The following CSMD1 variants were observed in gnomAD, a reference collection of about 807,000 sequenced individuals.
CSMD1 encodes CUB and Sushi multiple domains 1, also known as CUB and sushi domain-containing protein 1.
A neutral mutation model predicts 417.5 loss-of-function variants in CSMD1; 213 were observed. That is an observed-to-expected ratio of 0.51 (90% CI 0.46 to 0.57). The LOEUF (loss-of-function observed/expected upper bound fraction) is 0.57, where lower values mean the gene tolerates loss of function less well. Ranked by LOEUF, CSMD1 falls within the 20% of genes least tolerant of loss-of-function variation. The probability of loss-of-function intolerance (pLI) is 0.00; values close to 1 mark genes in which losing one functional copy is unlikely to be tolerated. For missense variants in CSMD1, 6,923 were observed against 4,529.7 expected, an observed-to-expected ratio of 1.53 and a Z score of -15.17; for synonymous variants, 2,862 against 1,736.8, an observed-to-expected ratio of 1.65 and a Z score of -16.11.
chr8:4,443,412 C>T (rs974397591), intron 2 of CSMD1, among the ~76,000 whole-genome samples: 1 of 152,146 alleles, frequency 6.6e-6, no homozygotes, highest in African/African-American at 2.4e-5. Context: ...AAGAAAATTG[C>T]AACAATCTTT....
intron 8 of CSMD1, among the ~76,000 whole-genome samples, chr8:3,605,127 T>TG (rs1801547913): frequency 6.6e-6 from 1 of 152,186 alleles, no homozygotes; most frequent in Non-Finnish European, 1.5e-5. Flanking sequence ...CCCGAGTAGC[T>TG]GGGACTACAG....
chr8:4,077,383 C>A (rs1799888971), intron 3 of CSMD1, among the ~76,000 whole-genome samples: 1 of 147,140 alleles, frequency 6.8e-6, no homozygotes, highest in Non-Finnish European at 1.5e-5. Context: ...TTAATGGTTC[C>A]TCAGTCTTTT....
At chr8:4,344,251 C>G (rs1167309583) in intron 3 of CSMD1, among the ~76,000 whole-genome samples, 1 of 152,136 alleles carries the variant, frequency 6.6e-6, no homozygotes, top group Non-Finnish European at 1.5e-5. Flanking sequence ...ACACAATCAT[C>G]TTTACACGTG....
At chr8:3,177,345 G>A (rs773182981) in intron 37 of CSMD1, among the ~76,000 whole-genome samples, 4 of 152,184 alleles carry the variant, frequency 2.6e-5, no homozygotes, top group Non-Finnish European at 2.9e-5. Context: ...AGCCCCCAGT[G>A]CAGAGGCTCT....
intron 3 of CSMD1, among the ~76,000 whole-genome samples, chr8:4,137,731 G>T (rs924462790): frequency 2.4e-5 from 2 of 82,856 alleles, no homozygotes; most frequent in African/African-American, 5.8e-5. Flanking sequence ...ATTTCACGAT[G>T]TTGTATTTTA....
intron 49 of CSMD1, among the ~76,000 whole-genome samples, chr8:3,083,844 G>C (rs1475559671): frequency 6.6e-6 from 1 of 150,952 alleles, no homozygotes; most frequent in African/African-American, 2.4e-5. Context: ...ATTTCCTGTA[G>C]AGACAGGGTT....
intron 32 of CSMD1, among the ~76,000 whole-genome samples, chr8:3,200,558 CA>C (rs1221536334): frequency 2.3e-4 from 32 of 141,724 alleles, no homozygotes; most frequent in African/African-American, 8.2e-4. Context: ...GACTTTGTCT[CA>C]AAAAAAAATA....
chr8:4,023,503 C>T (rs9644359), intron 4 of CSMD1, among the ~76,000 whole-genome samples: 2 of 151,824 alleles, frequency 1.3e-5, no homozygotes, highest in Non-Finnish European at 2.9e-5. Context: ...AAGAGGAAGT[C>T]TAATTACAGG....
intron 2 of CSMD1, among the ~76,000 whole-genome samples, chr8:4,545,272 T>TGG (rs2130535733): frequency 6.6e-6 from 1 of 152,336 alleles, no homozygotes; most frequent in Non-Finnish European, 1.5e-5. Context: ...GCTTTCTCAA[T>TGG]GAAAGATGAA....
intron 1 of CSMD1, among the ~76,000 whole-genome samples, chr8:4,803,917 G>C (rs989770243): frequency 2.1e-4 from 32 of 152,300 alleles, no homozygotes; most frequent in African/African-American, 7.7e-4. Flanking sequence ...CTAGCCCACA[G>C]AGCCTCCATA....
chr8:4,588,056 G>A (rs1015173986), intron 2 of CSMD1, among the ~76,000 whole-genome samples: 2 of 152,078 alleles, frequency 1.3e-5, no homozygotes, highest in African/African-American at 4.8e-5. Flanking sequence ...AAGGAGCAAG[G>A]TAAAGCAAAA....
chr8:3,289,374 T>C (rs1186075694), intron 25 of CSMD1, among the ~76,000 whole-genome samples: 5 of 147,400 alleles, frequency 3.4e-5, no homozygotes, highest in African/African-American at 8.1e-5. Context: ...ATGGTATTTC[T>C]AGTTCTAGAT....
At chr8:3,797,826 A>G (rs1483582032) in intron 5 of CSMD1, among the ~76,000 whole-genome samples, 1 of 152,004 alleles carries the variant, frequency 6.6e-6, no homozygotes, top group Non-Finnish European at 1.5e-5. Flanking sequence ...TTCATATAAA[A>G]GCACTAACGA....
intron 5 of CSMD1, among the ~76,000 whole-genome samples, chr8:3,957,816 G>T (rs1812065396): frequency 6.6e-6 from 1 of 152,176 alleles, no homozygotes; most frequent in Non-Finnish European, 1.5e-5. Context: ...AAAGCTCAGA[G>T]GAAATGAAGG....
Position 3,121,710 on chromosome 8 carries a change from G to A in CSMD1, c.6242-3123C>T, listed in dbSNP as rs148576779. On this transcript the variant is annotated intron_variant, in intron 41 of 69. Coordinates refer to ENST00000635120, the MANE Select transcript of CSMD1 (RefSeq NM_033225.6). ...GTTACTAGGGAGGCTGGGGCAGGAGGACTGCTTAAGGCCAGGAGTCGAATG... is the reference window on the plus strand; with the variant it reads ...GTTACTAGGGAGGCTGGGGCAGGAGAACTGCTTAAGGCCAGGAGTCGAATG... Among the ~76,000 whole-genome samples, 719 of 152,172 alleles carry A rather than the reference G, an allele frequency of 4.7e-3. 4 individuals are homozygous for A. The highest frequency in any genetic ancestry group is 0.017 in the African/African-American group (694 of 41,524).
At chr8:3,481,178 A>AAAAAG (rs1817727986) in intron 11 of CSMD1, among the ~76,000 whole-genome samples, 1 of 145,672 alleles carries the variant, frequency 6.9e-6, no homozygotes, top group African/African-American at 2.5e-5. Context: ...AAAAAAAAAA[A>AAAAAG]ACCAGAGTAG....
chr8:3,822,559 G>A (rs80131857), intron 5 of CSMD1, among the ~76,000 whole-genome samples: 1 of 152,106 alleles, frequency 6.6e-6, no homozygotes, highest in African/African-American at 2.4e-5. Flanking sequence ...CTTTGCTTCC[G>A]CCTCTATCAC....
In CSMD1 at chr8:3,592,659, C is replaced by CGTGTGTGTGCACATCCGT. The variant is rs537174386; in HGVS notation, c.1098-6417_1098-6400dup. On this transcript the variant is annotated intron_variant, in intron 8 of 69. Coordinates refer to ENST00000635120, the MANE Select transcript of CSMD1 (RefSeq NM_033225.6). The stretch of plus-strand genomic sequence containing the variant: ...GCTGAAGGGTCTATGTGTGTGTTTA[C>CGTGTGTGTGCACATCCGT]GTGTGTGTGCACATCCGTGTGTGTG... Among the ~76,000 whole-genome samples the CGTGTGTGTGCACATCCGT allele has an allele frequency of 4.6e-5, 7 of 151,564 alleles. No individual in the cohort carries two copies. In the East Asian group the frequency reaches 9.8e-4, roughly 21 times the overall value.
At chr8:3,429,210 G>C (rs1446908092) in intron 12 of CSMD1, among the ~76,000 whole-genome samples, 2 of 151,442 alleles carry the variant, frequency 1.3e-5, no homozygotes, top group Non-Finnish European at 3.0e-5. Context: ...GTAAAGAAAC[G>C]CTGAACGTTG....
Sources: allele counts gnomAD v4.1 joint callset (sites outside exome capture counted in the v4.1 genomes callset), GRCh38; gene constraint gnomAD v4.1.1; transcripts MANE v1.5; gene names NCBI Gene and HGNC (gene_info 2026-07-23, HGNC 2026-07-21).